The following IMMP2L variants were observed in gnomAD, a reference collection of about 807,000 sequenced individuals.
IMMP2L encodes the protein mitochondrial inner membrane protease subunit 2.
IMMP2L carries 18 observed loss-of-function variants against 19.3 expected under a neutral mutation model. The observed-to-expected ratio is 0.93, with a 90% CI of 0.64 to 1.38. The LOEUF (loss-of-function observed/expected upper bound fraction) is 1.38. Among genes scored for constraint, IMMP2L ranks in the 40% most tolerant of loss-of-function variants. IMMP2L has a pLI of 0.00. For synonymous variants in IMMP2L, 76 were observed against 73.0 expected, an observed-to-expected ratio of 1.04 and a Z score of -0.21; for missense variants, 233 against 218.2, an observed-to-expected ratio of 1.07 and a Z score of -0.43.
At chr7:111,033,083 G>A (rs1349651962) in intron 3 of IMMP2L, among the ~76,000 whole-genome samples, 2 of 152,122 alleles carry the variant, frequency 1.3e-5, no homozygotes, top group Non-Finnish European at 2.9e-5. Context: ...TCGTGCCACT[G>A]CACTCCAGCC....
At chr7:111,122,931 G>A (rs970727762) in intron 3 of IMMP2L, 4 of 1,613,984 alleles carry the variant, frequency 2.5e-6, no homozygotes, top group Non-Finnish European at 3.4e-6. Context: ...CATCTACAGT[G>A]GATTGTAATG....
intron 4 of IMMP2L, among the ~76,000 whole-genome samples, chr7:110,959,470 A>C (rs1818709002): frequency 6.6e-6 from 1 of 151,938 alleles, no homozygotes; most frequent in Non-Finnish European, 1.5e-5. Flanking sequence ...TCTATTCCCT[A>C]CATACCCCTT....
intron 3 of IMMP2L, among the ~76,000 whole-genome samples, chr7:111,322,075 A>T (rs1272759912): frequency 6.6e-6 from 1 of 151,988 alleles, no homozygotes; most frequent in Admixed American, 6.6e-5. Context: ...TTGAACTTTT[A>T]TAATTTCTGC....
chr7:110,897,790 A>AT (rs1448251699), intron 4 of IMMP2L, among the ~76,000 whole-genome samples: 1 of 152,122 alleles, frequency 6.6e-6, no homozygotes, highest in African/African-American at 2.4e-5. Flanking sequence ...AACTTCAGAG[A>AT]TTTTTTCAAA....
At chr7:111,319,704 T>A (rs1009981184) in intron 3 of IMMP2L, among the ~76,000 whole-genome samples, 5 of 152,066 alleles carry the variant, frequency 3.3e-5, no homozygotes, top group African/African-American at 4.8e-5. Flanking sequence ...AAAGAAGCAA[T>A]TTAAACCTAA....
intron 4 of IMMP2L, among the ~76,000 whole-genome samples, chr7:110,918,452 CT>C (rs1029668134): frequency 2.0e-3 from 266 of 130,446 alleles, no homozygotes; most frequent in East Asian, 2.4e-3. Flanking sequence ...TTCTTTTTTT[CT>C]TTTTTTTTTT....
chr7:111,274,851 T>C (rs573828473), intron 3 of IMMP2L, among the ~76,000 whole-genome samples: 2 of 152,254 alleles, frequency 1.3e-5, no homozygotes, highest in South Asian at 4.1e-4. Flanking sequence ...AGAGTAATAG[T>C]ATAATGATTT....
intron 5 of IMMP2L, among the ~76,000 whole-genome samples, chr7:110,781,287 C>A (rs1030715837): frequency 6.6e-6 from 1 of 151,836 alleles, no homozygotes; most frequent in African/African-American, 2.4e-5. Flanking sequence ...ACATCTATAT[C>A]CACGATACAA....
intron 5 of IMMP2L, among the ~76,000 whole-genome samples, chr7:110,820,240 G>A (rs1802904047): frequency 6.6e-6 from 1 of 151,926 alleles, no homozygotes. Flanking sequence ...GGCTTTGCAG[G>A]TGAAAATATG....
chr7:111,028,382 C>G (rs1277737539), intron 3 of IMMP2L, among the ~76,000 whole-genome samples: 1 of 152,066 alleles, frequency 6.6e-6, no homozygotes, highest in Non-Finnish European at 1.5e-5. Context: ...CCCACATTCT[C>G]TCTCTTCCAC....
intron 5 of IMMP2L, among the ~76,000 whole-genome samples, chr7:110,735,846 CAAAAAA>C (rs59078426): frequency 8.4e-5 from 4 of 47,628 alleles, no homozygotes; most frequent in African/African-American, 7.9e-5. Flanking sequence ...CACTCTGCCT[CAAAAAA>C]AAAAAAAAAA....
intron 3 of IMMP2L, among the ~76,000 whole-genome samples, chr7:111,475,711 C>T (rs1049177478): frequency 6.6e-6 from 1 of 152,054 alleles, no homozygotes; most frequent in Non-Finnish European, 1.5e-5. Context: ...AGATTTCTAC[C>T]ACTATCTTAT....
chr7:111,468,725 G>A (rs1165753665), intron 3 of IMMP2L, among the ~76,000 whole-genome samples: 1 of 152,110 alleles, frequency 6.6e-6, no homozygotes, highest in African/African-American at 2.4e-5. Flanking sequence ...AGAGATCTAT[G>A]TGGCACCTGG....
chr7:111,100,440 A>G (rs1797851834), intron 3 of IMMP2L, among the ~76,000 whole-genome samples: 1 of 148,008 alleles, frequency 6.8e-6, no homozygotes, highest in Non-Finnish European at 1.5e-5. Flanking sequence ...ATGTAATGAA[A>G]ATATATATTA....
chr7:111,453,841 T>C (rs1300589231), intron 3 of IMMP2L, among the ~76,000 whole-genome samples: 2 of 152,166 alleles, frequency 1.3e-5, no homozygotes, highest in Non-Finnish European at 2.9e-5. Flanking sequence ...ATGATTGCCT[T>C]ATAATAAGCA....
intron 5 of IMMP2L, among the ~76,000 whole-genome samples, chr7:110,686,927 T>C (rs192650278): frequency 1.6e-4 from 25 of 152,222 alleles, no homozygotes; most frequent in Admixed American, 1.2e-3. Context: ...TTTCTACTAA[T>C]ATAAAGAAAA....
chr7:110,813,241 A>C (rs969085304), intron 5 of IMMP2L, among the ~76,000 whole-genome samples: 3 of 151,970 alleles, frequency 2.0e-5, no homozygotes, highest in Non-Finnish European at 4.4e-5. Context: ...TTTAAACTGA[A>C]ACTCCCTCTC....
intron 3 of IMMP2L, among the ~76,000 whole-genome samples, chr7:111,395,922 C>T (rs1208806372): frequency 2.0e-5 from 3 of 152,108 alleles, no homozygotes; most frequent in African/African-American, 7.2e-5. Context: ...CAAATCAAAA[C>T]CACAATGAGA....
intron 3 of IMMP2L, among the ~76,000 whole-genome samples, chr7:111,314,329 G>A (rs1289661910): frequency 2.0e-5 from 3 of 152,100 alleles, no homozygotes; most frequent in Non-Finnish European, 4.4e-5. Context: ...CTGGAAAGTA[G>A]AATTGTATAT....
Sources: allele counts gnomAD v4.1 joint callset (sites outside exome capture counted in the v4.1 genomes callset), GRCh38; gene constraint gnomAD v4.1.1; transcripts MANE v1.5; gene names NCBI Gene and HGNC (gene_info 2026-07-23, HGNC 2026-07-21).